PPM1E: variants seen among roughly 807,000 people sequenced by gnomAD.
PPM1E encodes the protein protein phosphatase 1E.
In PPM1E, 20 loss-of-function variants were observed where a neutral mutation model predicts 65.9. That is an observed-to-expected ratio of 0.30 (90% CI 0.21 to 0.44). The LOEUF is 0.44. Among genes scored for constraint, PPM1E ranks in the 20% least tolerant of loss-of-function variants. The pLI, the probability that PPM1E is intolerant of heterozygous loss-of-function variation, is 1.00. For missense variants in PPM1E, 713 were observed against 953.1 expected (o/e 0.75, Z 3.32); for synonymous variants, 352 against 374.9 (o/e 0.94, Z 0.70).
intron 1 of PPM1E, among the ~76,000 whole-genome samples, chr17:58,790,109 G>C (rs957718628): frequency 1.3e-5 from 2 of 152,164 alleles, no homozygotes; most frequent in Non-Finnish European, 2.9e-5. Flanking sequence ...GAGCAGATAT[G>C]GTTCCTTAGC....
chr17:58,889,324 G>C (rs2051317579), intron 1 of PPM1E, among the ~76,000 whole-genome samples: 3 of 152,176 alleles, frequency 2.0e-5, no homozygotes, highest in Admixed American at 2.0e-4. Flanking sequence ...TTTTAGGCCA[G>C]GTGCGGTGGC....
intron 1 of PPM1E, among the ~76,000 whole-genome samples, chr17:58,787,076 T>G (rs755593435): frequency 2.0e-5 from 3 of 152,208 alleles, no homozygotes; most frequent in Non-Finnish European, 2.9e-5. Flanking sequence ...CCTCTGGCTG[T>G]GGGTCAGGCA....
At chr17:58,912,651 G>A (rs1216333482) in intron 1 of PPM1E, among the ~76,000 whole-genome samples, 1 of 152,168 alleles carries the variant, frequency 6.6e-6, no homozygotes, top group African/African-American at 2.4e-5. Context: ...CCTCCGAAAT[G>A]ATGTGTCTTT....
Position 58,816,794 on chromosome 17 carries a change from A to ATT in PPM1E, c.464+60351_464+60352dup, listed in dbSNP as rs71367634. On this transcript the variant is annotated intron_variant, in intron 1 of 6. Transcript: ENST00000308249. ...TATATATATATATATATATATATAT[A>ATT]TTTTTTTTTTTTTTTTTTTGAGACA... 5.1e-3 allele frequency among the ~76,000 whole-genome samples: 85 copies of ATT among 16,624 alleles called. 1 individual carries two copies. The highest frequency in any genetic ancestry group is 8.5e-3 in the Admixed American group (9 of 1,058). The allele number at this position is 16,624 out of a possible 152,430, so 10.9% of individuals were successfully genotyped here. A position where few individuals can be genotyped will look rare whatever the true frequency, so the allele number is the denominator to read the frequency against.
intron 1 of PPM1E, among the ~76,000 whole-genome samples, chr17:58,789,770 A>T (rs1284900576): frequency 6.6e-6 from 1 of 151,124 alleles, no homozygotes; most frequent in Non-Finnish European, 1.5e-5. Context: ...ATAAAATGCA[A>T]ATACCTGCCT....
chr17:58,955,961 T>C (rs1295050413), intron 2 of PPM1E, among the ~76,000 whole-genome samples, 194 bp downstream of exon 2: 2 of 152,046 alleles, frequency 1.3e-5, no homozygotes, highest in Non-Finnish European at 2.9e-5. Context: ...GAAAAATACA[T>C]GTGTATTTTG....
rs2031675082 is a variant in PPM1E at position 58,985,103 on chromosome 17, TAA to T, written c.*4075_*4076del. 4 of 152,684 alleles carry T rather than the reference TAA, an allele frequency of 2.6e-5. No individual in the cohort carries two copies. The highest frequency in any genetic ancestry group is 5.9e-5 in the Non-Finnish European group (4 of 68,044). 9.5% of individuals were successfully genotyped at this position (152,684 alleles called of 1,614,324 possible). On this transcript the variant is annotated 3_prime_UTR_variant, in exon 7 of 7. Transcript: ENST00000308249. The stretch of plus-strand genomic sequence containing the variant: ...TCATGAGTGATCCTTCATATTTTAT[TAA>T]AAGTGTTCATTCAGGTAAGGTGTAT...
intron 1 of PPM1E, among the ~76,000 whole-genome samples, chr17:58,831,714 A>T (rs1253887276): frequency 6.6e-6 from 1 of 152,068 alleles, no homozygotes; most frequent in Non-Finnish European, 1.5e-5. Context: ...TCATCCCCCT[A>T]TTGGACAGTT....
intron 1 of PPM1E, among the ~76,000 whole-genome samples, chr17:58,784,970 T>G (rs1226274074): frequency 6.6e-6 from 1 of 152,240 alleles, no homozygotes; most frequent in Non-Finnish European, 1.5e-5. Flanking sequence ...GATGGTATCA[T>G]TTGCAACCAA....
rs35132799 is a variant in PPM1E at position 58,812,303 on chromosome 17, CAAAAAAAA to C, written c.464+55861_464+55868del. Among the ~76,000 whole-genome samples the C allele has an allele frequency of 4.8e-3, 241 of 49,788 alleles. 5 individuals carry two copies. In the East Asian group the frequency reaches 0.13, roughly 27 times the overall value. 32.7% of individuals were successfully genotyped at this position (49,788 alleles called of 152,430 possible). The stretch of plus-strand genomic sequence containing the variant: ...TGGGCGACAGAGCAAGACTCTGTTT[CAAAAAAAA>C]AAAAAAAAAAAAAAAAAAGAATAGG... On this transcript the variant is annotated intron_variant, in intron 1 of 6. Transcript: ENST00000308249.
intron 6 of PPM1E, among the ~76,000 whole-genome samples, chr17:58,973,456 T>C (rs1263024990): frequency 6.6e-6 from 1 of 151,508 alleles, no homozygotes; most frequent in Non-Finnish European, 1.5e-5. Context: ...AATGCAGAAT[T>C]TTCTAGTTTC....
intron 1 of PPM1E, among the ~76,000 whole-genome samples, chr17:58,896,551 C>G (rs569346748): frequency 1.3e-5 from 2 of 152,112 alleles, no homozygotes; most frequent in African/African-American, 4.8e-5. Context: ...CACCACTGCA[C>G]TCCAGCCTGG....
chr17:58,797,758 T>C (rs902038025), intron 1 of PPM1E, among the ~76,000 whole-genome samples: 3 of 152,210 alleles, frequency 2.0e-5, no homozygotes, highest in Non-Finnish European at 4.4e-5. Context: ...ATTAGGTAGG[T>C]AGATATACAT....
At chr17:58,897,550 C>T (rs1374066726) in intron 1 of PPM1E, among the ~76,000 whole-genome samples, 3 of 152,076 alleles carry the variant, frequency 2.0e-5, no homozygotes, top group Non-Finnish European at 2.9e-5. Flanking sequence ...ATTCTGCAGA[C>T]CATGGATCAA....
intron 1 of PPM1E, among the ~76,000 whole-genome samples, chr17:58,851,668 G>A (rs2050827448): frequency 1.3e-5 from 2 of 152,202 alleles, no homozygotes; most frequent in South Asian, 4.1e-4. Context: ...GCACCTGGCT[G>A]TATGAGATGT....
chr17:58,798,973 G>A (rs914835258), intron 1 of PPM1E, among the ~76,000 whole-genome samples: 3 of 152,152 alleles, frequency 2.0e-5, no homozygotes, highest in African/African-American at 7.2e-5. Context: ...GGGATTACAG[G>A]CGTGAACCAC....
In PPM1E at chr17:58,805,106, A is replaced by AT. The variant is rs758595939; in HGVS notation, c.464+48651dup. On this transcript the variant is annotated intron_variant, in intron 1 of 6. Transcript: ENST00000308249. ...CTGAGATCAACTTTTTAAAATTTTT[A>AT]TTTTTTATATAGTTTTTTTTATTTC... 7.9e-5 allele frequency among the ~76,000 whole-genome samples: 12 copies of AT among 151,450 alleles called. No individual in the cohort carries two copies. In the East Asian group the frequency reaches 1.2e-3, roughly 15 times the overall value.
chr17:58,889,450 A>C (rs938138320), intron 1 of PPM1E, among the ~76,000 whole-genome samples: 3 of 152,080 alleles, frequency 2.0e-5, no homozygotes, highest in Non-Finnish European at 4.4e-5. Flanking sequence ...AATACAAAAA[A>C]TAACTGGGCG....
intron 2 of PPM1E, among the ~76,000 whole-genome samples, 158 bp from the exon 3 acceptor site, chr17:58,965,536 C>G (rs777830031): frequency 2.6e-5 from 4 of 152,142 alleles, no homozygotes; most frequent in Admixed American, 6.6e-5. Flanking sequence ...GTGATTTTCT[C>G]TCTTCAGAAG....
Sources: gnomAD v4.1 joint callset for allele counts (sites outside exome capture counted in the v4.1 genomes callset) on GRCh38, gnomAD v4.1.1 for gene constraint, MANE v1.5 for transcripts, NCBI Gene and HGNC (gene_info 2026-07-23, HGNC 2026-07-21) for gene names.